The following ALG9 variants were observed in gnomAD, a reference collection of about 807,000 sequenced individuals.
ALG9 encodes alpha-1,2-mannosyltransferase ALG9.
In ALG9, 55 loss-of-function variants were observed where a neutral mutation model predicts 81.8. The observed-to-expected ratio is 0.67, with a 90% CI of 0.54 to 0.84. The LOEUF is 0.84. ALG9 is among the 40% of genes least tolerant of loss of function. The pLI is 0.00. For synonymous variants in ALG9, 278 were observed against 274.3 expected, an observed-to-expected ratio of 1.01 and a Z score of -0.13; for missense variants, 629 against 745.0, an observed-to-expected ratio of 0.84 and a Z score of 1.81.
intron 14 of ALG9, among the ~76,000 whole-genome samples, chr11:111,791,560 C>A (rs1314133402): frequency 1.3e-5 from 2 of 152,242 alleles, no homozygotes; most frequent in Non-Finnish European, 2.9e-5. Flanking sequence ...CAAACTCTCT[C>A]ATTGCCTACA....
intron 1 of ALG9, chr11:111,870,984 G>A: frequency 9.8e-7 from 1 of 1,023,996 alleles, no homozygotes; most frequent in Non-Finnish European, 1.2e-6. Flanking sequence ...CGGGTTGGAT[G>A]GGCCCAGTAA....
chr11:111,795,743 G>T (rs1343234595), intron 14 of ALG9, among the ~76,000 whole-genome samples: 1 of 152,202 alleles, frequency 6.6e-6, no homozygotes, highest in Non-Finnish European at 1.5e-5. Flanking sequence ...CTGATTTGTG[G>T]CCTTGGCCAA....
Position 111,840,636 on chromosome 11 carries a change from A to C in ALG9, c.1173+19T>G, listed in dbSNP as rs1592207525. 6.8e-6 allele frequency: 11 copies of C among 1,613,956 alleles called. No homozygotes were observed. The highest frequency in any genetic ancestry group is 9.3e-6 in the Non-Finnish European group (11 of 1,179,840). ...AAGTAAAAAAGAATGAGGCAGATAC[A>C]CTTCTCCCTGAAACTCACCTGAAGT... On this transcript the variant is annotated intron_variant, in intron 10 of 14. Transcript: ENST00000616540.
intron 8 of ALG9, among the ~76,000 whole-genome samples, chr11:111,851,987 A>G (rs1279738762): frequency 3.3e-5 from 5 of 152,234 alleles, no homozygotes; most frequent in Admixed American, 6.5e-5. Context: ...ATCTTAAACT[A>G]TTACTTGCCA....
At chr11:111,770,797 T>G in the ALG9 span, among the ~76,000 whole-genome samples, 2 of 152,176 alleles carry the variant, frequency 1.3e-5, no homozygotes, top group African/African-American at 4.8e-5. Flanking sequence ...CACTGAGGTA[T>G]TTCCATATCC....
chr11:111,806,574 C>T (rs1308332974), intron 14 of ALG9, among the ~76,000 whole-genome samples: 3 of 152,284 alleles, frequency 2.0e-5, no homozygotes, highest in African/African-American at 4.8e-5. Context: ...TCCTCCTCTT[C>T]TCCCTAATCT....
chr11:111,819,712 ATCACATCTCC>A lies in ALG9; in HGVS notation c.1603-9949_1603-9940del, dbSNP rs1952024488. 2.0e-5 allele frequency among the ~76,000 whole-genome samples: 3 copies of A among 152,264 alleles called. No individual in the cohort carries two copies. The South Asian group carries it at 6.2e-4, about 31-fold the overall frequency. ...CCAAACACATAATAAATTCTGATTC[ATCACATCTCC>A]TCAAATCCCTCTGTGAGCAACTGCA... On this transcript the variant is annotated intron_variant, in intron 13 of 14. Transcript: ENST00000616540.
chr11:111,783,400 GTGAGC>G lies in ALG9; in HGVS notation c.*2992_*2996del, dbSNP rs1247411790. ...TTGAACCCGGGAGACAGAGGTTGCA[GTGAGC>G]TGAGGTCGTGCCATTGTGTTCCAAC... On this transcript the variant is annotated 3_prime_UTR_variant, in exon 15 of 15. Coordinates refer to ENST00000616540, the MANE Select transcript of ALG9 (RefSeq NM_024740.2). 9 of 152,558 alleles carry G rather than the reference GTGAGC, an allele frequency of 5.9e-5. No homozygotes were observed. Among genetic ancestry groups the G allele is most frequent in the African/African-American group, 1.9e-4 (8 of 41,536 alleles). The allele number at this position is 152,558 out of a possible 1,614,324, so 9.5% of individuals were successfully genotyped here. A position where few individuals can be genotyped will look rare whatever the true frequency, so the allele number is the denominator to read the frequency against.
chr11:111,820,995 C>A (rs1952261129), intron 13 of ALG9, among the ~76,000 whole-genome samples: 1 of 151,748 alleles, frequency 6.6e-6, no homozygotes, highest in Non-Finnish European at 1.5e-5. Flanking sequence ...ACTCGGGAGG[C>A]TGAGGTGGTA....
chr11:111,796,497 A>T (rs1948305744), intron 14 of ALG9, among the ~76,000 whole-genome samples: 1 of 152,132 alleles, frequency 6.6e-6, no homozygotes, highest in South Asian at 2.1e-4. Flanking sequence ...TGGAAAGCAG[A>T]CTCTCTAAGC....
Position 111,840,791 on chromosome 11 carries a change from G to A in ALG9, c.1037C>T (p.Pro346Leu). The change falls in exon 10 of 15, where the codon CCG (proline) becomes CTG (leucine). Residue 346 changes from proline (P) to leucine (L), a missense_variant. Physicochemically the swap from Pro to Leu is moderately conservative, Grantham distance 98. Coordinates refer to ENST00000616540, the MANE Select transcript of ALG9 (RefSeq NM_024740.2). ...CATTGGAGCCAAGGTAAGCCAATAC[G>A]GGTGGCCTAAATTCTGAACTGCAAG... ...QRFHVQNLGHPYWLTLAPMYI... is the reference protein window; with the variant it reads ...QRFHVQNLGHLYWLTLAPMYI... The A allele has an allele frequency of 1.2e-6, 2 of 1,614,044 alleles. No individual in the cohort carries two copies. Among genetic ancestry groups the A allele is most frequent in the South Asian group, 1.1e-5 (1 of 91,072 alleles).
intron 5 of ALG9, among the ~76,000 whole-genome samples, chr11:111,859,178 C>A (rs1191274154): frequency 2.6e-5 from 4 of 152,118 alleles, no homozygotes; most frequent in African/African-American, 9.7e-5. Context: ...TGCACTCTAA[C>A]CTGCCTAGGT....
intron 6 of ALG9, among the ~76,000 whole-genome samples, chr11:111,855,906 ACTATTCT>A (rs1208075703): frequency 1.3e-5 from 2 of 152,198 alleles, no homozygotes; most frequent in Non-Finnish European, 2.9e-5. Context: ...TTTAAAATGG[ACTATTCT>A]CTTAGTAACT....
chr11:111,851,029 C>A (rs1172072895), intron 8 of ALG9, among the ~76,000 whole-genome samples: 2 of 152,180 alleles, frequency 1.3e-5, no homozygotes, highest in Non-Finnish European at 2.9e-5. Context: ...ACAGCAAATG[C>A]CAATATCCCA....
chr11:111,828,550 C>G (rs1555110770), intron 13 of ALG9, among the ~76,000 whole-genome samples: 1 of 152,044 alleles, frequency 6.6e-6, no homozygotes, highest in East Asian at 1.9e-4. Flanking sequence ...GAAAGAGTAG[C>G]AAAGATAGTA....
intron 3 of ALG9, 23 bp from the exon 4 acceptor site, chr11:111,865,274 A>G: frequency 1.3e-6 from 2 of 1,539,370 alleles, no homozygotes. Context: ...CAGAAAAAGA[A>G]AACAGAAGTC....
At chr11:111,824,541 T>C (rs188962933) in intron 13 of ALG9, among the ~76,000 whole-genome samples, 7 of 152,276 alleles carry the variant, frequency 4.6e-5, no homozygotes, top group African/African-American at 1.4e-4. Context: ...ATTCAGCCAA[T>C]AGAATAAAGC....
chr11:111,853,575 T>C, intron 7 of ALG9, 74 bp downstream of exon 7: 1 of 1,565,504 alleles, frequency 6.4e-7, no homozygotes, highest in Non-Finnish European at 8.8e-7. Context: ...AATAAACTCC[T>C]GATGTTCCTT....
At chr11:111,787,011 C>T (rs573599752) in intron 14 of ALG9, among the ~76,000 whole-genome samples, 1 of 152,274 alleles carries the variant, frequency 6.6e-6, no homozygotes, top group South Asian at 2.1e-4. Context: ...AGTCTACACA[C>T]AAGTTCATGT....
Sources: gnomAD v4.1 joint callset for allele counts (sites outside exome capture counted in the v4.1 genomes callset) on GRCh38, gnomAD v4.1.1 for gene constraint, MANE v1.5 for transcripts, NCBI Gene and HGNC (gene_info 2026-07-23, HGNC 2026-07-21) for gene names.